The following PLCL2 variants were observed in gnomAD, a reference collection of about 807,000 sequenced individuals.
PLCL2 encodes inactive phospholipase C-like protein 2.
Under a neutral mutation model 79.6 loss-of-function variants are expected in PLCL2, and 4 were observed. That is an observed-to-expected ratio of 0.05 (90% CI 0.02 to 0.11). The LOEUF is 0.11. Ranked by LOEUF, PLCL2 falls within the 10% of genes least tolerant of loss-of-function variation. The pLI is 1.00. For missense variants in PLCL2, 895 were observed against 1,291.0 expected, an observed-to-expected ratio of 0.69 and a Z score of 4.70; for synonymous variants, 484 against 457.7, an observed-to-expected ratio of 1.06 and a Z score of -0.73.
At chr3:16,971,001 A>T (rs1348840067) in intron 1 of PLCL2, among the ~76,000 whole-genome samples, 2 of 152,066 alleles carry the variant, frequency 1.3e-5, no homozygotes, top group Admixed American at 6.6e-5. Context: ...ATTTTCTCCC[A>T]TTCTGTAGGT....
chr3:17,033,165 T>A (rs1447319612), intron 3 of PLCL2, among the ~76,000 whole-genome samples: 1 of 152,106 alleles, frequency 6.6e-6, no homozygotes, highest in Non-Finnish European at 1.5e-5. Flanking sequence ...GAAGTGAGCT[T>A]TATGAAAAGT....
At chr3:17,004,046 C>G (rs80141631) in intron 1 of PLCL2, among the ~76,000 whole-genome samples, 1,529 of 152,290 alleles carry the variant, frequency 0.01, 30 homozygotes, top group African/African-American at 0.035. Flanking sequence ...ATGGTGGCCA[C>G]ATCTTCTTCC....
intron 1 of PLCL2, among the ~76,000 whole-genome samples, chr3:16,961,529 T>C (rs1482672280): frequency 6.6e-6 from 1 of 152,090 alleles, no homozygotes; most frequent in African/African-American, 2.4e-5. Context: ...ATGAGGGAGA[T>C]GATAAAGATT....
At chr3:17,059,430 G>GTA (rs375945665) in intron 4 of PLCL2, among the ~76,000 whole-genome samples, 59,565 of 145,872 alleles carry the variant, frequency 0.41, 13,227 homozygotes, top group African/African-American at 0.57. Context: ...ATGTGTGTGT[G>GTA]TATATATATA....
rs73153288 is a variant in PLCL2 at position 17,034,619 on chromosome 3, C to G, written c.3019-8255C>G. The stretch of plus-strand genomic sequence containing the variant: ...ATCTTACTTGTTTTCATTAATCTTT[C>G]TTAAATGTATGTATAGTTCACATTT... On this transcript the variant is annotated intron_variant, in intron 3 of 5. Transcript: ENST00000615277. Among the ~76,000 whole-genome samples the G allele has an allele frequency of 7.4e-3, 1,134 of 152,250 alleles. 19 individuals carry two copies. Among genetic ancestry groups the G allele is most frequent in the African/African-American group, 0.026 (1,084 of 41,556 alleles).
chr3:16,962,959 A>G (rs929116661), intron 1 of PLCL2, among the ~76,000 whole-genome samples: 1 of 152,146 alleles, frequency 6.6e-6, no homozygotes, highest in Non-Finnish European at 1.5e-5. Flanking sequence ...TAAAAAAGGT[A>G]ATGGGAAATT....
chr3:16,892,809 C>A (rs1696381986), intron 1 of PLCL2, among the ~76,000 whole-genome samples: 1 of 152,120 alleles, frequency 6.6e-6, no homozygotes, highest in African/African-American at 2.4e-5. Context: ...CCCTTACAGA[C>A]AAGGGAACCC....
At chr3:16,950,029 A>G (rs1435261232) in intron 1 of PLCL2, among the ~76,000 whole-genome samples, 1 of 152,176 alleles carries the variant, frequency 6.6e-6, no homozygotes, top group African/African-American at 2.4e-5. Context: ...TACCAGTATC[A>G]TGATGTTTTA....
At chr3:16,987,012 CTG>C (rs1346132120) in intron 1 of PLCL2, among the ~76,000 whole-genome samples, 5 of 151,458 alleles carry the variant, frequency 3.3e-5, no homozygotes, top group Admixed American at 3.3e-4. Context: ...AGGAAGAAGT[CTG>C]ACATTTATGG....
intron 1 of PLCL2, among the ~76,000 whole-genome samples, chr3:16,949,850 TG>T (rs2063634796): frequency 1.3e-5 from 2 of 152,228 alleles, no homozygotes; most frequent in African/African-American, 4.8e-5. Flanking sequence ...ATAATTATTT[TG>T]TATTTTTTGC....
chr3:17,031,314 A>G (rs547549981), intron 3 of PLCL2, among the ~76,000 whole-genome samples: 1 of 152,300 alleles, frequency 6.6e-6, no homozygotes, highest in South Asian at 2.1e-4. Context: ...TAAGCCAGCA[A>G]AGTGGCTGTG....
At chr3:16,937,964 T>C (rs1429953185) in intron 1 of PLCL2, among the ~76,000 whole-genome samples, 3 of 152,158 alleles carry the variant, frequency 2.0e-5, no homozygotes, top group Non-Finnish European at 4.4e-5. Flanking sequence ...GAAAAGTTGG[T>C]TTGAAAGGTG....
chr3:17,057,347 A>G (rs2064902007), intron 4 of PLCL2, among the ~76,000 whole-genome samples: 1 of 152,144 alleles, frequency 6.6e-6, no homozygotes, highest in Non-Finnish European at 1.5e-5. Context: ...GACTTCGGGA[A>G]ACTGTTACAA....
chr3:16,954,862 T>C (rs538308509), intron 1 of PLCL2, among the ~76,000 whole-genome samples: 1 of 152,344 alleles, frequency 6.6e-6, no homozygotes, highest in East Asian at 1.9e-4. Flanking sequence ...TTGCCCACTT[T>C]TTGATGGGGT....
Position 17,089,883 on chromosome 3 carries a change from G to GA in PLCL2, c.3360dup (p.Ala1121SerfsTer4), listed in dbSNP as rs1345563028. 6.8e-6 allele frequency: 11 copies of GA among 1,612,612 alleles called. No homozygotes were observed. The highest frequency in any genetic ancestry group is 9.3e-6 in the Non-Finnish European group (11 of 1,179,608). ...ACGCCGGAGCTTGGAAGTCATACCCGAAAAAGCAAACGATGAAACTGGAGA... is the reference window on the plus strand; with the variant it reads ...ACGCCGGAGCTTGGAAGTCATACCCGAAAAAAGCAAACGATGAAACTGGAGA... On this transcript the variant is annotated frameshift_variant, in exon 6 of 6. Coordinates refer to ENST00000615277, the MANE Select transcript of PLCL2 (RefSeq NM_001144382.2). LOFTEE classifies it high-confidence loss of function.
intron 1 of PLCL2, among the ~76,000 whole-genome samples, chr3:16,982,595 C>A (rs527962898): frequency 6.6e-6 from 1 of 152,248 alleles, no homozygotes; most frequent in South Asian, 2.1e-4. Flanking sequence ...CCTGGGCCTG[C>A]CTGATTTGAT....
At chr3:16,895,320 A>C (rs766772238) in intron 1 of PLCL2, among the ~76,000 whole-genome samples, 44 of 152,086 alleles carry the variant, frequency 2.9e-4, no homozygotes, top group African/African-American at 9.9e-4. Context: ...TTCTATGAAG[A>C]TAGTCATTTA....
At chr3:16,906,811 G>A (rs972621576) in intron 1 of PLCL2, among the ~76,000 whole-genome samples, 4 of 152,142 alleles carry the variant, frequency 2.6e-5, no homozygotes, top group African/African-American at 9.7e-5. Context: ...GCAATAATTT[G>A]TGACTAGGAA....
rs1575530093 is a variant in PLCL2 at position 16,922,059 on chromosome 3, G to A, written c.327+36693G>A. On this transcript the variant is annotated intron_variant, in intron 1 of 5. Transcript: ENST00000615277. ...AAAAGCTATTTTTAATCTATGTCAG[G>A]GTAGGAGGAAAATTTATACTTTTTA... Among the ~76,000 whole-genome samples the A allele has an allele frequency of 1.3e-5, 2 of 152,174 alleles. 1 individual carries two copies. The highest frequency in any genetic ancestry group is 4.8e-5 in the African/African-American group (2 of 41,542).
Sources: allele counts gnomAD v4.1 joint callset (sites outside exome capture counted in the v4.1 genomes callset), GRCh38; gene constraint gnomAD v4.1.1; transcripts MANE v1.5; gene names NCBI Gene and HGNC (gene_info 2026-07-23, HGNC 2026-07-21).